Variants in COL24A1 observed in about 807,000 individuals in gnomAD.
The protein encoded by COL24A1 is collagen alpha-1(XXIV) chain.
In COL24A1, 224 loss-of-function variants were observed where a neutral mutation model predicts 253.9. The ratio of observed to expected loss-of-function variants is 0.88; its 90% confidence interval spans 0.79 to 0.99. The LOEUF (loss-of-function observed/expected upper bound fraction) is 0.99, where lower values mean the gene tolerates loss of function less well. Among genes scored for constraint, COL24A1 ranks in the 50% least tolerant of loss-of-function variants. The pLI is 0.00. For missense variants in COL24A1, 2,131 were observed against 2,068.5 expected, an observed-to-expected ratio of 1.03 and a Z score of -0.59; for synonymous variants, 685 against 673.7, an observed-to-expected ratio of 1.02 and a Z score of -0.26.
chr1:85,831,756 T>C (rs548321833), intron 43 of COL24A1, among the ~76,000 whole-genome samples: 1 of 151,868 alleles, frequency 6.6e-6, no homozygotes, highest in South Asian at 2.1e-4. Flanking sequence ...GCAGAGGCAA[T>C]AGCATGGGAA....
At chr1:86,016,111 G>A (rs1201871896) in intron 19 of COL24A1, among the ~76,000 whole-genome samples, 1 of 151,794 alleles carries the variant, frequency 6.6e-6, no homozygotes, top group African/African-American at 2.4e-5. Flanking sequence ...CTGGACTCAA[G>A]GCGATCCTCT....
intron 35 of COL24A1, among the ~76,000 whole-genome samples, chr1:85,870,668 C>T (rs986717044): frequency 2.4e-4 from 36 of 152,056 alleles, no homozygotes; most frequent in African/African-American, 7.5e-4. Flanking sequence ...AGACACAACA[C>T]ACCAGAATCT....
intron 47 of COL24A1, among the ~76,000 whole-genome samples, chr1:85,808,272 T>G (rs985793942): frequency 2.0e-5 from 3 of 152,194 alleles, no homozygotes; most frequent in African/African-American, 7.2e-5. Flanking sequence ...CCTATCTGTT[T>G]TACTCATGTG....
intron 3 of COL24A1, among the ~76,000 whole-genome samples, chr1:86,119,819 G>T (rs763501374): frequency 6.6e-6 from 1 of 152,048 alleles, no homozygotes; most frequent in Non-Finnish European, 1.5e-5. Context: ...TTGGAGGAGG[G>T]GAAAAGTGAG....
At chr1:85,945,590 T>C (rs1689252241) in intron 24 of COL24A1, among the ~76,000 whole-genome samples, 1 of 148,568 alleles carries the variant, frequency 6.7e-6, no homozygotes. Context: ...TGCTAACTAC[T>C]GCCACAGATG....
intron 7 of COL24A1, among the ~76,000 whole-genome samples, 187 bp downstream of exon 7, chr1:86,088,987 C>T (rs1282853903): frequency 6.6e-6 from 1 of 152,024 alleles, no homozygotes. Context: ...TCCTAATTTT[C>T]TTTTGCTGAG....
intron 2 of COL24A1, among the ~76,000 whole-genome samples, chr1:86,135,316 G>T (rs1275017837): frequency 1.3e-5 from 2 of 152,054 alleles, no homozygotes; most frequent in African/African-American, 4.8e-5. Flanking sequence ...TTGCCGGTCT[G>T]TGTCTTTTAA....
rs115131577 is a variant in COL24A1 at position 85,947,019 on chromosome 1, T to C, written c.2562+14230A>G. ...TGAGTTTCGAAACCTTAGGATTAGA[T>C]GAGATATTAAATGTAAAATAATTAG... On this transcript the variant is annotated intron_variant, in intron 24 of 59. Transcript: ENST00000370571. 6.4e-3 allele frequency among the ~76,000 whole-genome samples: 982 copies of C among 152,342 alleles called. 3 individuals are homozygous for C. The highest frequency in any genetic ancestry group is 0.017 in the Middle Eastern group (5 of 294).
intron 43 of COL24A1, among the ~76,000 whole-genome samples, chr1:85,827,855 A>G (rs1674600669): frequency 6.6e-6 from 1 of 151,706 alleles, no homozygotes; most frequent in Non-Finnish European, 1.5e-5. Flanking sequence ...AATTTTGTTG[A>G]TCCTTTCAAA....
Position 85,799,211 on chromosome 1 carries a change from A to AAAAGAAAGAAAGAAAGAAAG in COL24A1, c.3952-12770_3952-12751dup, listed in dbSNP as rs139787428. On this transcript the variant is annotated intron_variant, in intron 47 of 59. Coordinates refer to ENST00000370571, the MANE Select transcript of COL24A1 (RefSeq NM_152890.7). ...GAATTCTTTAATTCCTTGGCCACATAAAAGAAAGAAAGAAAGAAAGAAAGA... is the reference window on the plus strand; with the variant it reads ...GAATTCTTTAATTCCTTGGCCACATAAAAGAAAGAAAGAAAGAAAGAAAGAAAGAAAGAAAGAAAGAAAGA... Among the ~76,000 whole-genome samples the AAAAGAAAGAAAGAAAGAAAG allele has an allele frequency of 7.6e-3, 1,051 of 137,606 alleles. 26 individuals carry two copies. Among genetic ancestry groups the AAAAGAAAGAAAGAAAGAAAG allele is most frequent in the African/African-American group, 0.027 (970 of 36,014 alleles). The allele number at this position is 137,606 out of a possible 152,430, so 90.3% of individuals were successfully genotyped here.
In COL24A1 at chr1:85,923,192, C is replaced by T. The variant is rs188534807; in HGVS notation, c.2563-11759G>A. ...AAGCAAGTCCTTAGGGATCTACAAACAGACTTAGACTCCAACACAATAATA... is the reference window on the plus strand; with the variant it reads ...AAGCAAGTCCTTAGGGATCTACAAATAGACTTAGACTCCAACACAATAATA... On this transcript the variant is annotated intron_variant, in intron 24 of 59. Transcript: ENST00000370571. Among the ~76,000 whole-genome samples the T allele has an allele frequency of 2.8e-3, 433 of 152,196 alleles. 2 individuals carry two copies. The highest frequency in any genetic ancestry group is 4.7e-3 in the Non-Finnish European group (318 of 67,976).
intron 32 of COL24A1, among the ~76,000 whole-genome samples, chr1:85,885,276 C>T (rs1279921876): frequency 6.6e-6 from 1 of 151,810 alleles, no homozygotes; most frequent in Non-Finnish European, 1.5e-5. Context: ...TCTCGGCTCA[C>T]TGCAACCTCC....
chr1:85,801,193 C>T (rs186964692), intron 47 of COL24A1, among the ~76,000 whole-genome samples: 184 of 152,250 alleles, frequency 1.2e-3, no homozygotes, highest in African/African-American at 4.2e-3. Context: ...TTCCTCACAG[C>T]TTGGTTCTGG....
chr1:86,025,228 A>G (rs1697912793), intron 14 of COL24A1, among the ~76,000 whole-genome samples: 1 of 152,174 alleles, frequency 6.6e-6, no homozygotes, highest in Non-Finnish European at 1.5e-5. Flanking sequence ...CTCATCTTCC[A>G]TAAGAACATG....
intron 2 of COL24A1, among the ~76,000 whole-genome samples, chr1:86,144,490 A>T (rs1651596233): frequency 6.6e-6 from 1 of 152,152 alleles, no homozygotes; most frequent in Admixed American, 6.5e-5. Flanking sequence ...TCTAAGCTGT[A>T]GGTGAGCCAC....
intron 7 of COL24A1, among the ~76,000 whole-genome samples, chr1:86,087,510 TACTCA>T (rs1273013957): frequency 1.3e-5 from 2 of 152,206 alleles, no homozygotes; most frequent in Middle Eastern, 3.2e-3. Context: ...ATACAAAAAC[TACTCA>T]ACATTTACTT....
At chr1:86,105,438 G>C (rs944374585) in intron 5 of COL24A1, among the ~76,000 whole-genome samples, 3 of 152,182 alleles carry the variant, frequency 2.0e-5, no homozygotes, top group Non-Finnish European at 4.4e-5. Flanking sequence ...CAGGAGTTAT[G>C]ATGCGGGCCC....
At chr1:85,955,270 C>T (rs1325402827) in intron 24 of COL24A1, among the ~76,000 whole-genome samples, 1 of 152,192 alleles carries the variant, frequency 6.6e-6, no homozygotes, top group Non-Finnish European at 1.5e-5. Flanking sequence ...CATTCCATCC[C>T]CTTTTGGCTC....
chr1:86,130,365 T>A (rs1310634110), intron 2 of COL24A1, among the ~76,000 whole-genome samples: 3 of 151,986 alleles, frequency 2.0e-5, no homozygotes, highest in Admixed American at 1.3e-4. Flanking sequence ...TATTATGGTT[T>A]GTTTAATCTG....
Sources: allele counts gnomAD v4.1 joint callset (sites outside exome capture counted in the v4.1 genomes callset), GRCh38; gene constraint gnomAD v4.1.1; transcripts MANE v1.5; gene names NCBI Gene and HGNC (gene_info 2026-07-23, HGNC 2026-07-21).